ENOX1: variants seen among roughly 807,000 people sequenced by gnomAD.
ENOX1 encodes ecto-NOX disulfide-thiol exchanger 1.
ENOX1 carries 42 observed loss-of-function variants against 82.5 expected under a neutral mutation model. That is an observed-to-expected ratio of 0.51 (90% CI 0.40 to 0.66). The LOEUF is 0.66. ENOX1 is among the 30% of genes least tolerant of loss of function. The probability of loss-of-function intolerance (pLI) is 0.00; values close to 1 mark genes in which losing one functional copy is unlikely to be tolerated. For missense variants in ENOX1, 608 were observed against 811.6 expected (o/e 0.75, Z 3.05); for synonymous variants, 271 against 282.2 (o/e 0.96, Z 0.40).
At chr13:43,645,312 C>G (rs1175296627) in intron 2 of ENOX1, among the ~76,000 whole-genome samples, 1 of 152,054 alleles carries the variant, frequency 6.6e-6, no homozygotes, top group Non-Finnish European at 1.5e-5. Context: ...CAGGTGCATG[C>G]CACGATGTCC....
At chr13:43,441,660 C>T (rs9594944) in intron 3 of ENOX1, among the ~76,000 whole-genome samples, 29,837 of 151,154 alleles carry the variant, frequency 0.2, 3,516 homozygotes, top group Middle Eastern at 0.31. Flanking sequence ...ACCTACCTGC[C>T]CGAAGGCGGC....
chr13:43,461,964 C>T (rs1412338698), intron 3 of ENOX1, among the ~76,000 whole-genome samples: 1 of 152,116 alleles, frequency 6.6e-6, no homozygotes, highest in Admixed American at 6.5e-5. Flanking sequence ...GATAAACATA[C>T]AAAGCTTGGT....
intron 3 of ENOX1, among the ~76,000 whole-genome samples, chr13:43,428,402 A>G (rs7338233): frequency 0.15 from 23,306 of 152,126 alleles, 2,269 homozygotes; most frequent in African/African-American, 0.27. Flanking sequence ...AGGTATAAAC[A>G]TCATCATTAT....
chr13:43,630,353 T>C (rs931958313), intron 2 of ENOX1, among the ~76,000 whole-genome samples: 2 of 152,158 alleles, frequency 1.3e-5, no homozygotes, highest in Non-Finnish European at 2.9e-5. Flanking sequence ...CTTGTTTGTA[T>C]GGTAGTCCTT....
chr13:43,423,055 G>A (rs915817809), intron 3 of ENOX1, among the ~76,000 whole-genome samples: 2 of 152,152 alleles, frequency 1.3e-5, no homozygotes, highest in African/African-American at 4.8e-5. Flanking sequence ...GTGGGGAAGG[G>A]AGGCTACTGT....
chr13:43,418,548 A>G (rs527908774), intron 3 of ENOX1, among the ~76,000 whole-genome samples: 75 of 152,202 alleles, frequency 4.9e-4, no homozygotes, highest in Non-Finnish European at 7.6e-4. Flanking sequence ...ATAAATAAAA[A>G]TAAATAATAC....
At chr13:43,568,935 A>G (rs1336953145) in intron 2 of ENOX1, among the ~76,000 whole-genome samples, 1 of 152,138 alleles carries the variant, frequency 6.6e-6, no homozygotes, top group Non-Finnish European at 1.5e-5. Flanking sequence ...TAATGATTTC[A>G]TGATATCTGC....
chr13:43,617,674 A>C (rs1027146606), intron 2 of ENOX1, among the ~76,000 whole-genome samples: 3 of 152,192 alleles, frequency 2.0e-5, no homozygotes, highest in Admixed American at 6.5e-5. Context: ...GAATTGTGCC[A>C]CTATAAACAT....
chr13:43,623,964 C>A (rs917019443), intron 2 of ENOX1, among the ~76,000 whole-genome samples: 1 of 152,074 alleles, frequency 6.6e-6, no homozygotes, highest in Non-Finnish European at 1.5e-5. Flanking sequence ...CATTATTGGT[C>A]TGTATGATAG....
intron 1 of ENOX1, among the ~76,000 whole-genome samples, chr13:43,775,388 C>T (rs1951855432): frequency 6.6e-6 from 1 of 152,152 alleles, no homozygotes; most frequent in South Asian, 2.1e-4. Context: ...GTGACCCTCC[C>T]ACCTTGGTCT....
intron 2 of ENOX1, among the ~76,000 whole-genome samples, chr13:43,557,898 T>A (rs1040833650): frequency 6.6e-6 from 1 of 152,202 alleles, no homozygotes; most frequent in African/African-American, 2.4e-5. Flanking sequence ...ATTTGTTGGT[T>A]AGGAGATCAT....
chr13:43,358,742 G>A (rs2050307817), intron 7 of ENOX1, among the ~76,000 whole-genome samples: 1 of 152,162 alleles, frequency 6.6e-6, no homozygotes, highest in South Asian at 2.1e-4. Context: ...GAAAATGGAG[G>A]CAGGCTCTAG....
intron 1 of ENOX1, among the ~76,000 whole-genome samples, chr13:43,685,610 T>C (rs2086025204): frequency 6.6e-6 from 1 of 152,130 alleles, no homozygotes; most frequent in South Asian, 2.1e-4. Flanking sequence ...AAAGGCATTA[T>C]ATGGTGACAG....
intron 11 of ENOX1, among the ~76,000 whole-genome samples, chr13:43,312,850 G>A (rs2047285096): frequency 6.6e-6 from 1 of 152,060 alleles, no homozygotes; most frequent in African/African-American, 2.4e-5. Flanking sequence ...TCTAGGTAGT[G>A]GGAAAATACA....
At chr13:43,528,287 A>AC (rs1175022903) in intron 2 of ENOX1, among the ~76,000 whole-genome samples, 1 of 152,072 alleles carries the variant, frequency 6.6e-6, no homozygotes, top group Non-Finnish European at 1.5e-5. Flanking sequence ...CTCCAGTCCT[A>AC]CCCTATGTAC....
chr13:43,535,039 C>G (rs907512720), intron 2 of ENOX1, among the ~76,000 whole-genome samples: 31 of 152,154 alleles, frequency 2.0e-4, no homozygotes, highest in African/African-American at 7.2e-4. Context: ...CTAACATCTA[C>G]TAGTTGTGTG....
intron 5 of ENOX1, among the ~76,000 whole-genome samples, chr13:43,403,316 A>C (rs76685521): frequency 0.049 from 7,445 of 152,258 alleles, 525 homozygotes; most frequent in African/African-American, 0.15. Context: ...TCTAATGCTA[A>C]GCAAGTAAAT....
At chr13:43,646,185 C>T (rs2083886704) in intron 2 of ENOX1, among the ~76,000 whole-genome samples, 1 of 152,236 alleles carries the variant, frequency 6.6e-6, no homozygotes, top group Non-Finnish European at 1.5e-5. Flanking sequence ...GCCCATGCTG[C>T]CTGCTGTGCA....
chr13:43,504,370 C>T (rs953267390), intron 2 of ENOX1, among the ~76,000 whole-genome samples: 1 of 151,756 alleles, frequency 6.6e-6, no homozygotes, highest in Non-Finnish European at 1.5e-5. Flanking sequence ...TCTGCACTAT[C>T]ATGCTCACTG....
Sources: gnomAD v4.1 joint callset for allele counts (sites outside exome capture counted in the v4.1 genomes callset) on GRCh38, gnomAD v4.1.1 for gene constraint, MANE v1.5 for transcripts, NCBI Gene and HGNC (gene_info 2026-07-23, HGNC 2026-07-21) for gene names.